CSF1R: variants seen among roughly 807,000 people sequenced by gnomAD.
CSF1R encodes colony stimulating factor 1 receptor, also known as macrophage colony-stimulating factor 1 receptor.
Under a neutral mutation model 110.0 loss-of-function variants are expected in CSF1R, and 40 were observed. The observed-to-expected ratio is 0.36, with a 90% CI of 0.28 to 0.47. The LOEUF is 0.47. Among genes scored for constraint, CSF1R ranks in the 20% least tolerant of loss-of-function variants. CSF1R has a pLI of 0.99. For missense variants in CSF1R, 1,052 were observed against 1,253.0 expected, an observed-to-expected ratio of 0.84 and a Z score of 2.42; for synonymous variants, 523 against 503.4, an observed-to-expected ratio of 1.04 and a Z score of -0.52.
At chr5:150,092,433 T>C (rs1759074507) in intron 1 of CSF1R, among the ~76,000 whole-genome samples, 1 of 145,546 alleles carries the variant, frequency 6.9e-6, no homozygotes. Flanking sequence ...GTATATGCCA[T>C]GTTTTTTTCC....
intron 13 of CSF1R, 32 bp from the exon 14 acceptor site, chr5:150,059,894 G>A: frequency 1.3e-6 from 2 of 1,586,822 alleles, no homozygotes; most frequent in East Asian, 2.3e-5. Context: ...GGTGAGGGAG[G>A]TGCTGAGTGC....
chr5:150,060,918 C>G lies in CSF1R; in HGVS notation c.1913G>C (p.Ser638Thr), dbSNP rs541530647. 19 of 1,611,336 alleles carry G rather than the reference C, an allele frequency of 1.2e-5. No homozygotes were observed. Among genetic ancestry groups the G allele is most frequent in the Non-Finnish European group, 1.6e-5 (19 of 1,178,864 alleles). The change falls in exon 13 of 21, where the codon AGC becomes ACC. Residue 638 changes from serine (S) to threonine (T), a missense_variant. Physicochemically the swap from Ser to Thr is moderately conservative, Grantham distance 58. Coordinates refer to ENST00000675795, the MANE Select transcript of CSF1R (RefSeq NM_001288705.3). The part of the protein sequence containing the change: ...EALMSELKIM[S>T]HLGQHENIVN... ...GATGTTCTCGTGCTGGCCCAGGTGGCTCATGATCTTCAGCTCGGACATGAG... is the reference window on the plus strand; with the variant it reads ...GATGTTCTCGTGCTGGCCCAGGTGGGTCATGATCTTCAGCTCGGACATGAG...
At chr5:150,089,255 A>G (rs1164814286), upstream of CSF1R, among the ~76,000 whole-genome samples, 1 of 152,214 alleles carries the variant, frequency 6.6e-6, no homozygotes, top group East Asian at 1.9e-4. Flanking sequence ...AGGCATCCAA[A>G]TTAAAAAAGA....
intron 16 of CSF1R, 60 bp from the exon 17 acceptor site, chr5:150,056,401 G>A: frequency 1.3e-6 from 2 of 1,599,292 alleles, no homozygotes; most frequent in Admixed American, 1.7e-5. Flanking sequence ...CTGAGGTGAG[G>A]AGGATGGCAG....
intron 1 of CSF1R, among the ~76,000 whole-genome samples, chr5:150,112,915 G>T (rs908534963): frequency 1.3e-5 from 2 of 152,188 alleles, no homozygotes; most frequent in African/African-American, 4.8e-5. Flanking sequence ...AAATGAAGAT[G>T]CCGTTTCCCC....
chr5:150,069,765 TG>T, intron 9 of CSF1R, 107 bp downstream of exon 9: 1 of 1,086,148 alleles, frequency 9.2e-7, no homozygotes, highest in Non-Finnish European at 1.3e-6. Flanking sequence ...GCTCCAAAGG[TG>T]GAGCCAACCC....
chr5:150,058,152 T>TA, intron 14 of CSF1R: 2 of 453,598 alleles, frequency 4.4e-6, no homozygotes, highest in South Asian at 3.1e-5. Flanking sequence ...CAGTGCTGCT[T>TA]ACGCTGCAAC....
intron 1 of CSF1R, among the ~76,000 whole-genome samples, chr5:150,105,090 T>C (rs1759506985): frequency 6.6e-6 from 1 of 151,604 alleles, no homozygotes; most frequent in East Asian, 2.0e-4. Flanking sequence ...GGCTCACACC[T>C]ATAATCCCAG....
In CSF1R at chr5:150,054,077, A is replaced by G. The variant is rs1757061224; in HGVS notation, c.2911T>C (p.Phe971Leu). Residue 971 changes from phenylalanine to leucine, a missense_variant, in exon 21 of 21, where the codon TTC (phenylalanine) becomes CTC (leucine). By Grantham distance (22) the Phe-to-Leu change is conservative. This residue lies in a region of CSF1R where 85 missense variants were observed against 78.8 expected (regional missense o/e 1.08). Transcript: ENST00000675795. ...QPLLQPNNYQ[F>L]C ...TCCCTGTCGTCAACTCCTCAGCAGAACTGATAGTTGTTGGGCTGCAGCAAG... is the reference window on the plus strand; with the variant it reads ...TCCCTGTCGTCAACTCCTCAGCAGAGCTGATAGTTGTTGGGCTGCAGCAAG... 1 of 1,614,102 alleles carries G rather than the reference A, an allele frequency of 6.2e-7. No individual in the cohort carries two copies. The highest frequency in any genetic ancestry group is 1.7e-5 in the Admixed American group (1 of 60,014).
intron 1 of CSF1R, among the ~76,000 whole-genome samples, chr5:150,093,510 G>A (rs755933204): frequency 1.2e-4 from 18 of 151,778 alleles, no homozygotes; most frequent in Non-Finnish European, 2.5e-4. Flanking sequence ...TTTTTGAAGA[G>A]GTATAAATTA....
chr5:150,100,729 A>G (rs896937586), intron 1 of CSF1R, among the ~76,000 whole-genome samples: 12 of 152,180 alleles, frequency 7.9e-5, no homozygotes, highest in Non-Finnish European at 1.5e-4. Context: ...ACTCCCTGGC[A>G]GGCATACGTG....
At chr5:150,106,455 C>A (rs1031951640) in intron 1 of CSF1R, among the ~76,000 whole-genome samples, 8 of 152,116 alleles carry the variant, frequency 5.3e-5, no homozygotes, top group Non-Finnish European at 1.2e-4. Context: ...GCCCTGGGAC[C>A]CAGGAGGTTC....
upstream of CSF1R, among the ~76,000 whole-genome samples, chr5:150,090,172 C>G (rs535127409): frequency 6.6e-6 from 1 of 152,138 alleles, no homozygotes; most frequent in East Asian, 1.9e-4. Flanking sequence ...AAAAATTGGA[C>G]ATAATAAAAA....
chr5:150,081,553 C>T (rs1331950688), intron 1 of CSF1R, among the ~76,000 whole-genome samples: 4 of 152,178 alleles, frequency 2.6e-5, no homozygotes, highest in East Asian at 1.9e-4. Context: ...CACCAATGGA[C>T]ATCTGGTCTG....
intron 10 of CSF1R, among the ~76,000 whole-genome samples, chr5:150,062,849 GA>G (rs1307810996): frequency 6.6e-6 from 1 of 152,184 alleles, no homozygotes; most frequent in Non-Finnish European, 1.5e-5. Context: ...GTGACCATCA[GA>G]GGAAGAATTT....
At chr5:150,082,316 G>A (rs1758588279) in intron 1 of CSF1R, among the ~76,000 whole-genome samples, 1 of 152,200 alleles carries the variant, frequency 6.6e-6, no homozygotes, top group South Asian at 2.1e-4. Flanking sequence ...AATTCCCCCT[G>A]CCCCACCATA....
intron 1 of CSF1R, among the ~76,000 whole-genome samples, 190 bp downstream of exon 1, chr5:150,086,189 C>A (rs2113845467): frequency 6.6e-6 from 1 of 152,256 alleles, no homozygotes; most frequent in East Asian, 1.9e-4. Context: ...CCAGGTGGAC[C>A]AGTTCCACCA....
chr5:150,055,959 T>C, intron 18 of CSF1R, 67 bp downstream of exon 18: 1 of 1,434,956 alleles, frequency 7.0e-7, no homozygotes, highest in Non-Finnish European at 9.7e-7. Context: ...CAAACAGCTT[T>C]GTCCACCAGT....
chr5:150,086,631 T>G (rs1438365243), upstream of CSF1R: 3 of 532,436 alleles, frequency 5.6e-6, no homozygotes, highest in African/African-American at 5.6e-5. Flanking sequence ...CCACAGAGTT[T>G]GGAAATCTTG....
Sources: allele counts gnomAD v4.1 joint callset (sites outside exome capture counted in the v4.1 genomes callset), GRCh38; gene constraint gnomAD v4.1.1; regional missense constraint gnomAD v4.1.1; transcripts MANE v1.5; gene names NCBI Gene and HGNC (gene_info 2026-07-23, HGNC 2026-07-21).